The following KHDRBS2 variants were observed in gnomAD, a reference collection of about 807,000 sequenced individuals.
KHDRBS2 encodes the protein KH RNA binding domain containing, signal transduction associated 2.
KHDRBS2 carries 26 observed loss-of-function variants against 44.3 expected under a neutral mutation model. That is an observed-to-expected ratio of 0.59 (90% CI 0.43 to 0.81). The LOEUF (loss-of-function observed/expected upper bound fraction) is 0.81. Ranked by LOEUF, KHDRBS2 falls within the 40% of genes least tolerant of loss-of-function variation. The pLI is 0.00. For synonymous variants in KHDRBS2, 194 were observed against 151.1 expected (o/e 1.28, Z -2.08); for missense variants, 476 against 433.1 (o/e 1.10, Z -0.88).
chr6:61,726,147 C>T (rs1773511591), intron 7 of KHDRBS2, among the ~76,000 whole-genome samples: 1 of 152,058 alleles, frequency 6.6e-6, no homozygotes, highest in Non-Finnish European at 1.5e-5. Flanking sequence ...GTTCAACATA[C>T]AGATATCAAT....
the KHDRBS2 span, among the ~76,000 whole-genome samples, chr6:61,629,092 T>C: frequency 2.0e-5 from 3 of 152,230 alleles, no homozygotes; most frequent in Non-Finnish European, 4.4e-5. Flanking sequence ...GTCCATATTG[T>C]CCTGCTGATA....
chr6:62,246,304 G>C (rs1224219753), intron 1 of KHDRBS2, among the ~76,000 whole-genome samples: 1 of 151,608 alleles, frequency 6.6e-6, no homozygotes, highest in Non-Finnish European at 1.5e-5. Context: ...AAATTATATA[G>C]GCTAGCTGGA....
intron 4 of KHDRBS2, among the ~76,000 whole-genome samples, chr6:61,922,013 G>A (rs913782576): frequency 1.3e-5 from 2 of 151,566 alleles, no homozygotes; most frequent in African/African-American, 4.8e-5. Context: ...CATCCATATC[G>A]TTAAAAAATT....
chr6:61,956,268 C>A (rs1465189707), intron 4 of KHDRBS2, among the ~76,000 whole-genome samples: 2 of 152,036 alleles, frequency 1.3e-5, no homozygotes, highest in Non-Finnish European at 2.9e-5. Flanking sequence ...AATTATTTTC[C>A]AGCATATGTA....
intron 4 of KHDRBS2, among the ~76,000 whole-genome samples, chr6:61,935,723 C>A (rs1382413958): frequency 6.6e-6 from 1 of 152,010 alleles, no homozygotes; most frequent in African/African-American, 2.4e-5. Flanking sequence ...CAATTTAGTG[C>A]AATCTACTCA....
chr6:61,717,025 G>A (rs575833917), intron 7 of KHDRBS2, among the ~76,000 whole-genome samples: 1 of 152,148 alleles, frequency 6.6e-6, no homozygotes, highest in Admixed American at 6.6e-5. Context: ...GATTAAGCAG[G>A]TTTCAGTTAC....
intron 8 of KHDRBS2, among the ~76,000 whole-genome samples, chr6:61,681,865 T>C (rs371594686): frequency 1.1e-3 from 166 of 151,984 alleles, no homozygotes; most frequent in African/African-American, 3.9e-3. Context: ...AGAAATGCAA[T>C]TCTTCTTTAA....
chr6:62,204,316 CAAT>C (rs754245305), intron 1 of KHDRBS2, among the ~76,000 whole-genome samples: 11 of 152,242 alleles, frequency 7.2e-5, no homozygotes, highest in Middle Eastern at 3.4e-3. Flanking sequence ...AAGACTGCAA[CAAT>C]GAGTTTGCTT....
intron 4 of KHDRBS2, among the ~76,000 whole-genome samples, chr6:61,972,104 A>G (rs113662877): frequency 2.6e-4 from 40 of 152,276 alleles, no homozygotes; most frequent in Non-Finnish European, 4.9e-4. Flanking sequence ...ATCTCCAGTA[A>G]TCATGAGTCT....
chr6:61,955,137 T>G (rs1474301366), intron 4 of KHDRBS2, among the ~76,000 whole-genome samples: 5 of 145,160 alleles, frequency 3.4e-5, no homozygotes, highest in Non-Finnish European at 6.1e-5. Context: ...TACATATGTA[T>G]ATACACATAC....
the KHDRBS2 span, among the ~76,000 whole-genome samples, chr6:61,649,624 C>T: frequency 1.3e-5 from 2 of 152,118 alleles, no homozygotes; most frequent in African/African-American, 4.8e-5. Flanking sequence ...ATTTTTCTTT[C>T]TTAGTAAATA....
At chr6:62,193,966 TG>T (rs1181686845) in intron 1 of KHDRBS2, among the ~76,000 whole-genome samples, 1 of 152,182 alleles carries the variant, frequency 6.6e-6, no homozygotes, top group African/African-American at 2.4e-5. Context: ...TTTACATTCT[TG>T]GATAAGAGCC....
At chr6:61,941,106 C>A (rs1812043579) in intron 4 of KHDRBS2, among the ~76,000 whole-genome samples, 2 of 152,132 alleles carry the variant, frequency 1.3e-5, no homozygotes, top group South Asian at 4.1e-4. Context: ...CTTGGCTTTG[C>A]CATAGCCCTG....
Position 62,044,405 on chromosome 6 carries a change from C to A in KHDRBS2, c.336+3473G>T, listed in dbSNP as rs904248288. Among the ~76,000 whole-genome samples the A allele has an allele frequency of 2.0e-5, 3 of 151,732 alleles. No homozygotes were observed. In the South Asian group the frequency reaches 6.2e-4, roughly 31 times the overall value. On this transcript the variant is annotated intron_variant, in intron 3 of 8. Coordinates refer to ENST00000281156, the MANE Select transcript of KHDRBS2 (RefSeq NM_152688.4). ...GTGGAAATATCACTCGAGCCCTGAG[C>A]CCAACGGTGGGTCAAAGCTGCAGTG... is the stretch of plus-strand genomic sequence containing the variant.
chr6:62,063,094 C>A (rs1220077315), intron 2 of KHDRBS2, among the ~76,000 whole-genome samples: 1 of 133,256 alleles, frequency 7.5e-6, no homozygotes. Flanking sequence ...AGTTGAATCT[C>A]TGAATAGACC....
the KHDRBS2 span, chr6:61,574,431 C>G: frequency 2.0e-6 from 3 of 1,480,808 alleles, no homozygotes; most frequent in Non-Finnish European, 2.7e-6. Context: ...CCATATGGAG[C>G]TTCAATTTAC....
intron 4 of KHDRBS2, among the ~76,000 whole-genome samples, chr6:61,909,310 C>A (rs1374110759): frequency 6.6e-6 from 1 of 152,062 alleles, no homozygotes; most frequent in Admixed American, 6.6e-5. Flanking sequence ...CTCAAGTGAT[C>A]CGCCCGTCTC....
rs187273152 is a variant in KHDRBS2 at position 62,067,905 on chromosome 6, G to A, written c.220-19911C>T. 8.3e-4 allele frequency among the ~76,000 whole-genome samples: 126 copies of A among 151,480 alleles called. 2 individuals carry two copies. Among genetic ancestry groups the A allele is most frequent in the Non-Finnish European group, 1.5e-3 (104 of 67,634 alleles). On this transcript the variant is annotated intron_variant, in intron 2 of 8. Transcript: ENST00000281156. Reference sequence around the variant, plus strand: ...TGTGTTGGAACTTTATTTATTTATTGCTAAAAATATTCAATTATGTGGATA... The same window carrying A: ...TGTGTTGGAACTTTATTTATTTATTACTAAAAATATTCAATTATGTGGATA...
At chr6:61,721,013 C>T (rs866386817) in intron 7 of KHDRBS2, among the ~76,000 whole-genome samples, 7 of 151,254 alleles carry the variant, frequency 4.6e-5, no homozygotes, top group African/African-American at 9.7e-5. Context: ...CCAGTTTTCC[C>T]AGCACCATTT....
Sources: allele counts gnomAD v4.1 joint callset (sites outside exome capture counted in the v4.1 genomes callset), GRCh38; gene constraint gnomAD v4.1.1; transcripts MANE v1.5; gene names NCBI Gene and HGNC (gene_info 2026-07-23, HGNC 2026-07-21).